AGK: variants seen among roughly 807,000 people sequenced by gnomAD.
AGK encodes acylglycerol kinase, mitochondrial.
AGK carries 52 observed loss-of-function variants against 66.4 expected under a neutral mutation model. That is an observed-to-expected ratio of 0.78 (90% confidence interval 0.63 to 0.99). The LOEUF is 0.99. Ranked by LOEUF, AGK falls within the 50% of genes least tolerant of loss-of-function variation. The probability of loss-of-function intolerance (pLI) is 0.00; values close to 1 mark genes in which losing one functional copy is unlikely to be tolerated. For missense variants in AGK, 451 were observed against 506.6 expected (o/e 0.89, Z 1.05); for synonymous variants, 182 against 181.1 (o/e 1.00, Z -0.04).
chr7:141,634,025 T>G, intron 10 of AGK, 45 bp downstream of exon 10: 1 of 1,506,966 alleles, frequency 6.6e-7, no homozygotes. Context: ...TAAAAAAATC[T>G]TATTCTGTCC....
At chr7:141,561,326 G>A (rs1419616623) in intron 2 of AGK, among the ~76,000 whole-genome samples, 1 of 152,124 alleles carries the variant, frequency 6.6e-6, no homozygotes, top group East Asian at 1.9e-4. Flanking sequence ...TCCGCTTTTA[G>A]TTATTTAAGG....
intron 2 of AGK, among the ~76,000 whole-genome samples, chr7:141,568,751 T>C (rs953101487): frequency 1.3e-5 from 2 of 151,910 alleles, no homozygotes; most frequent in Non-Finnish European, 2.9e-5. Context: ...TTTTTTTGTA[T>C]TTTTAGTAGA....
intron 7 of AGK, among the ~76,000 whole-genome samples, chr7:141,615,112 A>C (rs1418337842): frequency 6.6e-6 from 1 of 152,216 alleles, no homozygotes; most frequent in Non-Finnish European, 1.5e-5. Context: ...TTTTTAGTTG[A>C]ATTTTATCTG....
intron 13 of AGK, among the ~76,000 whole-genome samples, chr7:141,645,587 C>T (rs1587168866): frequency 6.6e-6 from 1 of 152,290 alleles, no homozygotes; most frequent in East Asian, 1.9e-4. Flanking sequence ...GTAGCAGTAA[C>T]AGGAGTCCCC....
Position 141,654,111 on chromosome 7 carries a change from G to GTCAACAAAAAATATA in AGK, c.*1188_*1202dup, listed in dbSNP as rs1446307693. On this transcript the variant is annotated 3_prime_UTR_variant, in exon 16 of 16. Transcript: ENST00000649286. ...TTAATCATTCACCCCATTACTTCTT[G>GTCAACAAAAAATATA]TCAACAAAAAATATAAATGGAAATT... The GTCAACAAAAAATATA allele has an allele frequency of 4.0e-5, 6 of 151,532 alleles. No homozygotes were observed. 9.4% of individuals were successfully genotyped at this position (151,532 alleles called of 1,614,324 possible).
At chr7:141,599,014 A>G (rs1162750582) in intron 4 of AGK, 1 of 152,206 alleles carries the variant, frequency 6.6e-6, no homozygotes, top group Non-Finnish European at 1.5e-5. Flanking sequence ...AAGCTAAAAT[A>G]CTGCCACTGA....
intron 3 of AGK, 109 bp from the exon 4 acceptor site, chr7:141,596,453 G>GT (rs1796227713): frequency 1.1e-6 from 1 of 899,350 alleles, no homozygotes; most frequent in Non-Finnish European, 1.8e-6. Flanking sequence ...TTCCCCAAGG[G>GT]TAGATACCTT....
At chr7:141,556,831 C>G (rs1198022886) in intron 2 of AGK, among the ~76,000 whole-genome samples, 1 of 152,180 alleles carries the variant, frequency 6.6e-6, no homozygotes, top group Non-Finnish European at 1.5e-5. Flanking sequence ...AGTAGACTTT[C>G]AAACCTTTTG....
intron 4 of AGK, among the ~76,000 whole-genome samples, chr7:141,597,916 A>G (rs947710289): frequency 2.0e-5 from 3 of 149,426 alleles, no homozygotes; most frequent in East Asian, 3.9e-4. Flanking sequence ...AAAAAAAAAA[A>G]AAAGAAAGAA....
chr7:141,652,816 T>TGA lies in AGK; in HGVS notation c.1163_1164dup (p.Glu389ArgfsTer10). 1.2e-6 allele frequency: 2 copies of TGA among 1,613,648 alleles called. No homozygotes were observed. The highest frequency in any genetic ancestry group is 1.7e-6 in the Non-Finnish European group (2 of 1,179,956). On this transcript the variant is annotated frameshift_variant, in exon 16 of 16. Transcript: ENST00000649286. LOFTEE classifies it high-confidence loss of function. Reference sequence around the variant, plus strand: ...CAGGGGGCTCTTTTAGCATTGACAGTGAGGAGTATGAAGCGATGCCTGTGG... The same window carrying TGA: ...CAGGGGGCTCTTTTAGCATTGACAGTGAGAGGAGTATGAAGCGATGCCTGTGG...
chr7:141,611,288 G>A lies in AGK; in HGVS notation c.390+1G>A, dbSNP rs777096695. 6.2e-7 allele frequency: 1 copy of A among 1,604,752 alleles called. No individual in the cohort carries two copies. Reference sequence around the variant, plus strand: ...AGGAGGAGATGGGACACTGCAGGAGGTATGACTGTTTTTCTCTTTGAAGCT... The same window carrying A: ...AGGAGGAGATGGGACACTGCAGGAGATATGACTGTTTTTCTCTTTGAAGCT... On this transcript the variant is annotated splice_donor_variant, in intron 6 of 15. Coordinates refer to ENST00000649286, the MANE Select transcript of AGK (RefSeq NM_018238.4). LOFTEE classifies it high-confidence loss of function.
intron 2 of AGK, among the ~76,000 whole-genome samples, chr7:141,585,414 CA>C (rs1425937067): frequency 6.6e-6 from 1 of 152,206 alleles, no homozygotes; most frequent in Non-Finnish European, 1.5e-5. Flanking sequence ...CATGGGCAAC[CA>C]TGGGCACAGC....
At chr7:141,650,757 A>G in intron 14 of AGK, 2 of 873,838 alleles carry the variant, frequency 2.3e-6, no homozygotes, top group African/African-American at 1.8e-5. Flanking sequence ...CAGTCATCCC[A>G]CGGTATCCTT....
intron 8 of AGK, among the ~76,000 whole-genome samples, chr7:141,618,689 G>C (rs1199373579): frequency 6.6e-6 from 1 of 151,962 alleles, no homozygotes; most frequent in Non-Finnish European, 1.5e-5. Context: ...ATTCAAATCA[G>C]TTACCATAGG....
intron 2 of AGK, among the ~76,000 whole-genome samples, chr7:141,571,625 C>G (rs968593364): frequency 4.6e-5 from 7 of 152,064 alleles, no homozygotes; most frequent in Non-Finnish European, 7.4e-5. Context: ...TCAGCTTGAC[C>G]CATCCATGAA....
chr7:141,594,665 C>A (rs1348474494), intron 3 of AGK, among the ~76,000 whole-genome samples: 1 of 151,790 alleles, frequency 6.6e-6, no homozygotes, highest in Non-Finnish European at 1.5e-5. Context: ...TTCTTTCTTT[C>A]TTTTTTTAGA....
chr7:141,635,174 G>T (rs749217226), intron 10 of AGK, among the ~76,000 whole-genome samples: 1 of 152,130 alleles, frequency 6.6e-6, no homozygotes, highest in Non-Finnish European at 1.5e-5. Context: ...TTATATACTA[G>T]CCCCATATCT....
At chr7:141,617,003 C>T (rs905279949) in intron 8 of AGK, among the ~76,000 whole-genome samples, 4 of 151,916 alleles carry the variant, frequency 2.6e-5, no homozygotes, top group Admixed American at 6.6e-5. Context: ...GTGATCCGCC[C>T]GCCTCGGCCT....
chr7:141,628,291 G>T (rs894300146), intron 9 of AGK, among the ~76,000 whole-genome samples: 1 of 152,200 alleles, frequency 6.6e-6, no homozygotes, highest in Non-Finnish European at 1.5e-5. Context: ...GTGTATTGAT[G>T]ACACAACCCA....
Sources: allele counts gnomAD v4.1 joint callset (sites outside exome capture counted in the v4.1 genomes callset), GRCh38; gene constraint gnomAD v4.1.1; transcripts MANE v1.5; gene names NCBI Gene and HGNC (gene_info 2026-07-23, HGNC 2026-07-21).